The following DYNLL1 variants were observed in gnomAD, a reference collection of about 807,000 sequenced individuals.
DYNLL1 encodes dynein light chain LC8-type 1.
In DYNLL1, 3 loss-of-function variants were observed where a neutral mutation model predicts 10.1. The ratio of observed to expected loss-of-function variants is 0.30; its 90% confidence interval spans 0.14 to 0.77. The LOEUF (loss-of-function observed/expected upper bound fraction) is 0.77, where lower values mean the gene tolerates loss of function less well. Ranked by LOEUF, DYNLL1 falls within the 30% of genes least tolerant of loss-of-function variation. DYNLL1 has a pLI of 0.66. For synonymous variants in DYNLL1, 46 were observed against 41.2 expected (o/e 1.12, Z -0.45); for missense variants, 47 against 111.7 (o/e 0.42, Z 2.61).
At chr12:120,494,310 G>T (rs3759392), upstream of DYNLL1, among the ~76,000 whole-genome samples, 10,964 of 148,442 alleles carry the variant, frequency 0.074, 559 homozygotes, top group East Asian at 0.12. Context: ...TTTTTGAGAC[G>T]GAGTTGCCCA....
At chr12:120,489,341 C>T (rs1054064439) in intron 1 of DYNLL1, among the ~76,000 whole-genome samples, 1 of 152,236 alleles carries the variant, frequency 6.6e-6, no homozygotes, top group Admixed American at 6.5e-5. Flanking sequence ...AGCAGAACTT[C>T]TTGTTTCCTC....
chr12:120,469,894 CGAGCGCGGTT>C, exon 1 of DYNLL1: 1 of 226,456 alleles, frequency 4.4e-6, no homozygotes, highest in Non-Finnish European at 8.6e-6. Flanking sequence ...ATGCCATCCC[CGAGCGCGGTT>C]CGCGCTCGGC....
Position 120,496,228 on chromosome 12 carries a change from G to A in DYNLL1, c.-7+12G>A. On this transcript the variant is annotated intron_variant, in intron 1 of 2. Coordinates refer to ENST00000242577, the MANE Select transcript of DYNLL1 (RefSeq NM_003746.3). ...CCCCCTTCTCCACGGTGAGAAACTC[G>A]GGGGGCCAGGGGGTGTCCTCGCTGC... 2.5e-6 allele frequency: 2 copies of A among 789,138 alleles called. No individual in the cohort carries two copies. Among genetic ancestry groups the A allele is most frequent in the South Asian group, 3.7e-5 (2 of 54,696 alleles). The allele number at this position is 789,138 out of a possible 1,614,324, so 48.9% of individuals were successfully genotyped here. A position where few individuals can be genotyped will look rare whatever the true frequency, so the allele number is the denominator to read the frequency against.
At chr12:120,475,697 T>C (rs1376578353) in intron 1 of DYNLL1, among the ~76,000 whole-genome samples, 1 of 152,116 alleles carries the variant, frequency 6.6e-6, no homozygotes, top group Non-Finnish European at 1.5e-5. Flanking sequence ...TTAATTGTAA[T>C]AGCCAAATGT....
intron 1 of DYNLL1, among the ~76,000 whole-genome samples, chr12:120,479,956 C>G (rs1246331820): frequency 6.6e-6 from 1 of 152,098 alleles, no homozygotes; most frequent in African/African-American, 2.4e-5. Flanking sequence ...ATTGTATATC[C>G]CTGAATAGGA....
At chr12:120,470,993 C>T (rs1019382371) in intron 1 of DYNLL1, among the ~76,000 whole-genome samples, 1 of 151,850 alleles carries the variant, frequency 6.6e-6, no homozygotes, top group Non-Finnish European at 1.5e-5. Context: ...TGCAGTGAGC[C>T]GAGATCATGC....
chr12:120,498,026 G>C (rs771308218), intron 2 of DYNLL1, 47 bp from the exon 3 acceptor site: 34 of 1,585,108 alleles, frequency 2.1e-5, no homozygotes, highest in Middle Eastern at 1.7e-4. Context: ...GGCAAACACT[G>C]ACCTCTGGTA....
chr12:120,475,688 T>C (rs1414069984), intron 1 of DYNLL1, among the ~76,000 whole-genome samples: 1 of 152,156 alleles, frequency 6.6e-6, no homozygotes, highest in East Asian at 1.9e-4. Context: ...TAATTAACTT[T>C]AATTGTAATA....
intron 1 of DYNLL1, among the ~76,000 whole-genome samples, chr12:120,482,308 A>G (rs1271038479): frequency 6.7e-6 from 1 of 149,190 alleles, no homozygotes; most frequent in Admixed American, 6.8e-5. Flanking sequence ...AGGCAAAGGT[A>G]CTAGATTTGC....
chr12:120,476,706 G>A (rs1878760674), intron 1 of DYNLL1, among the ~76,000 whole-genome samples: 1 of 152,070 alleles, frequency 6.6e-6, no homozygotes, highest in South Asian at 2.1e-4. Flanking sequence ...CCGCCTCCCA[G>A]GTTCAAGCGA....
intron 1 of DYNLL1, among the ~76,000 whole-genome samples, chr12:120,471,213 A>C (rs1019755480): frequency 2.0e-5 from 3 of 150,968 alleles, no homozygotes; most frequent in African/African-American, 7.3e-5. Flanking sequence ...AAAAATACAA[A>C]AAAAAAAAAA....
chr12:120,497,352 G>A (rs1420983404), intron 2 of DYNLL1: 1 of 152,696 alleles, frequency 6.5e-6, no homozygotes, highest in Non-Finnish European at 1.5e-5. Context: ...CTCTTAGGGT[G>A]GGAGAAATGG....
chr12:120,488,566 C>A (rs918578704), intron 1 of DYNLL1: 1 of 152,184 alleles, frequency 6.6e-6, no homozygotes, highest in Middle Eastern at 3.2e-3. Flanking sequence ...CTTTCATGTC[C>A]CTTGTGCCTA....
chr12:120,479,641 A>C (rs946103512), intron 1 of DYNLL1, among the ~76,000 whole-genome samples: 2 of 152,124 alleles, frequency 1.3e-5, no homozygotes, highest in Admixed American at 1.3e-4. Flanking sequence ...CTGAAGAACC[A>C]GATGGTGCTA....
Position 120,496,484 on chromosome 12 carries a change from G to C in DYNLL1, c.63G>C (p.Ser21=), listed in dbSNP as rs371347212. The C allele has an allele frequency of 6.2e-7, 1 of 1,614,096 alleles. No homozygotes were observed. The highest frequency in any genetic ancestry group is 1.3e-5 in the African/African-American group (1 of 74,936). The change falls in exon 2 of 3, where the codon TCG becomes TCC. Residue 21 remains serine (S), a synonymous_variant. Transcript: ENST00000242577. ...TGTCGGAAGAGATGCAACAGGACTC[G>C]GTGGAGTGCGCTACTCAGGCGCTGG... ...ADMSEEMQQD[S]VECATQALEK...
At chr12:120,497,700 G>A in intron 2 of DYNLL1, 1 of 165,690 alleles carries the variant, frequency 6.0e-6, no homozygotes, top group Non-Finnish European at 1.3e-5. Context: ...TGGGGGCATG[G>A]CAAATACAGT....
chr12:120,471,464 G>A (rs1894874181), intron 1 of DYNLL1, among the ~76,000 whole-genome samples: 1 of 152,170 alleles, frequency 6.6e-6, no homozygotes, highest in Non-Finnish European at 1.5e-5. Flanking sequence ...TATACCATCT[G>A]AGCATTTTAA....
intron 2 of DYNLL1, chr12:120,496,970 G>A (rs1868447851): frequency 3.1e-6 from 1 of 319,528 alleles, no homozygotes; most frequent in East Asian, 6.2e-5. Flanking sequence ...GTGGTGGCGG[G>A]GCTGGGGGCT....
At chr12:120,479,459 A>AT (rs1555221129) in intron 1 of DYNLL1, among the ~76,000 whole-genome samples, 18 of 132,152 alleles carry the variant, frequency 1.4e-4, no homozygotes, top group Admixed American at 8.2e-4. Flanking sequence ...CAAAAAAAAA[A>AT]AAAAAAAAAA....
Sources: allele counts gnomAD v4.1 joint callset (sites outside exome capture counted in the v4.1 genomes callset), GRCh38; gene constraint gnomAD v4.1.1; transcripts MANE v1.5; gene names NCBI Gene and HGNC (gene_info 2026-07-23, HGNC 2026-07-21).